The following PIWIL3 variants were observed in gnomAD, a reference collection of about 807,000 sequenced individuals.
The protein encoded by PIWIL3 is piwi-like protein 3.
In PIWIL3, 101 loss-of-function variants were observed where a neutral mutation model predicts 109.7. The ratio of observed to expected loss-of-function variants is 0.92; its 90% CI spans 0.78 to 1.09. The LOEUF (loss-of-function observed/expected upper bound fraction) is 1.09. PIWIL3 is among the 50% of genes least tolerant of loss of function. The pLI is 0.00. For synonymous variants in PIWIL3, 373 were observed against 376.4 expected, an observed-to-expected ratio of 0.99 and a Z score of 0.10; for missense variants, 1,031 against 1,072.6, an observed-to-expected ratio of 0.96 and a Z score of 0.54.
intron 12 of PIWIL3, among the ~76,000 whole-genome samples, chr22:24,747,822 C>T (rs571310651): frequency 1.0e-3 from 159 of 152,224 alleles, no homozygotes; most frequent in Non-Finnish European, 2.0e-3. Context: ...AGCCCTCATA[C>T]GCAGTTGGTG....
At chr22:24,759,542 G>A (rs184799535) in intron 3 of PIWIL3, among the ~76,000 whole-genome samples, 1 of 152,204 alleles carries the variant, frequency 6.6e-6, no homozygotes, top group Non-Finnish European at 1.5e-5. Flanking sequence ...ACAATTTAAA[G>A]AGGAAAGAAA....
At chr22:24,739,690 G>A (rs888329860) in intron 12 of PIWIL3, among the ~76,000 whole-genome samples, 2 of 152,098 alleles carry the variant, frequency 1.3e-5, no homozygotes, top group African/African-American at 4.8e-5. Context: ...AATGCTAAAA[G>A]GGGTACTTCA....
At chr22:24,744,189 A>AAAAACAAAAC (rs1569103596) in intron 12 of PIWIL3, among the ~76,000 whole-genome samples, 2 of 145,900 alleles carry the variant, frequency 1.4e-5, no homozygotes, top group Non-Finnish European at 3.0e-5. Flanking sequence ...AAAAAAAAAA[A>AAAAACAAAAC]AAAAAAAAAA....
At chr22:24,720,411 A>G (rs951354519) in intron 19 of PIWIL3, among the ~76,000 whole-genome samples, 21 of 151,576 alleles carry the variant, frequency 1.4e-4, no homozygotes, top group Admixed American at 8.6e-4. Context: ...AGCTGGGACT[A>G]CAGGCGCCCA....
chr22:24,749,434 G>A lies in PIWIL3; in HGVS notation c.1304C>T (p.Thr435Ile), dbSNP rs1452287881. ...TAGAGTATTGATGAATTCTTTTAAT[G>A]TATGATGCCTTCTTCTTGGACTCAA... The part of the protein sequence containing the change: ...TRLSPRRRHH[T>I]LKEFINTLQD... Residue 435 changes from threonine (T) to isoleucine (I), a missense_variant, in exon 11 of 21, where the codon ACA (threonine) becomes ATA (isoleucine). Coordinates refer to ENST00000616349, the MANE Select transcript of PIWIL3 (RefSeq NM_001255975.1). 5 of 1,613,852 alleles carry A rather than the reference G, an allele frequency of 3.1e-6. No individual in the cohort carries two copies. Among genetic ancestry groups the A allele is most frequent in the South Asian group, 1.1e-5 (1 of 91,088 alleles).
chr22:24,759,895 C>CCTCCTCTTGCTG lies in PIWIL3; in HGVS notation c.185_196dup (p.Ala62_Gly65dup). ...TTGAGACTGTGCTCCTCCTCCTGCT[C>CCTCCTCTTGCTG]CTCCTCTTGCTGCTCTTGGCTGCAG... On this transcript the variant is annotated inframe_insertion, in exon 3 of 21. Coordinates refer to ENST00000616349, the MANE Select transcript of PIWIL3 (RefSeq NM_001255975.1). The CCTCCTCTTGCTG allele has an allele frequency of 6.2e-7, 1 of 1,602,446 alleles. No individual in the cohort carries two copies. Among genetic ancestry groups the CCTCCTCTTGCTG allele is most frequent in the Non-Finnish European group, 8.6e-7 (1 of 1,169,334 alleles).
intron 1 of PIWIL3, among the ~76,000 whole-genome samples, chr22:24,770,065 C>T (rs1431660705): frequency 6.6e-6 from 1 of 152,132 alleles, no homozygotes; most frequent in Admixed American, 6.5e-5. Flanking sequence ...ATACAGAGAA[C>T]CAACTGTATA....
chr22:24,765,576 G>C (rs1178473425), intron 1 of PIWIL3, among the ~76,000 whole-genome samples: 1 of 151,462 alleles, frequency 6.6e-6, no homozygotes, highest in Non-Finnish European at 1.5e-5. Flanking sequence ...GTAGATTGGG[G>C]TTGGGGAAGG....
At chr22:24,750,757 G>T (rs1423024146) in intron 9 of PIWIL3, among the ~76,000 whole-genome samples, 1 of 149,720 alleles carries the variant, frequency 6.7e-6, no homozygotes, top group African/African-American at 2.5e-5. Flanking sequence ...CAAAGTGCTG[G>T]GATTACAGGT....
intron 3 of PIWIL3, 121 bp downstream of exon 3, chr22:24,759,748 C>T: frequency 7.1e-7 from 1 of 1,410,744 alleles, no homozygotes; most frequent in East Asian, 2.3e-5. Context: ...AAGCTGCACA[C>T]ACTTCCCATC....
intron 4 of PIWIL3, 91 bp downstream of exon 4, chr22:24,757,817 G>A (rs79223236): frequency 0.026 from 37,078 of 1,418,548 alleles, 584 homozygotes; most frequent in Non-Finnish European, 0.031. Flanking sequence ...CAGCCTGGGC[G>A]ACAGAGCAGG....
chr22:24,744,467 G>A (rs929743179), intron 12 of PIWIL3, among the ~76,000 whole-genome samples: 4 of 152,080 alleles, frequency 2.6e-5, no homozygotes, highest in Non-Finnish European at 5.9e-5. Flanking sequence ...CAGCTACTCA[G>A]GAGGCTGAGG....
chr22:24,768,197 T>C (rs1925907421), intron 1 of PIWIL3, among the ~76,000 whole-genome samples: 1 of 152,148 alleles, frequency 6.6e-6, no homozygotes, highest in Admixed American at 6.6e-5. Context: ...ATCCTATATT[T>C]TGTTTTCCCT....
In PIWIL3 at chr22:24,734,101, T is replaced by C. The variant is rs116399439; in HGVS notation, c.1690A>G (p.Arg564Gly). 9.9e-4 allele frequency: 1,591 copies of C among 1,612,464 alleles called. 25 individuals carry two copies. The African/African-American group carries it at 0.019, about 19-fold the overall frequency. The change falls in exon 14 of 21, where the codon AGA (arginine) becomes GGA (glycine). Residue 564 changes from arginine to glycine, a missense_variant. Coordinates refer to ENST00000616349, the MANE Select transcript of PIWIL3 (RefSeq NM_001255975.1). ...ACACTTACCATCTGCAGTGTTGGTCTAGTATATTTCCGTAATGTGTCTATA... is the reference window on the plus strand; with the variant it reads ...ACACTTACCATCTGCAGTGTTGGTCCAGTATATTTCCGTAATGTGTCTATA... ...SYIDTLRKYT[R>G]PTLQMVICIL...
At chr22:24,736,134 C>T (rs1361109692) in intron 12 of PIWIL3, among the ~76,000 whole-genome samples, 2 of 152,100 alleles carry the variant, frequency 1.3e-5, no homozygotes, top group African/African-American at 4.8e-5. Flanking sequence ...CTTTAGGTTC[C>T]TATGTAGGCA....
At chr22:24,749,605 C>T in intron 10 of PIWIL3, 84 bp from the exon 11 acceptor site, 6 of 1,610,688 alleles carry the variant, frequency 3.7e-6, no homozygotes, top group Non-Finnish European at 5.1e-6. Context: ...AACCTACTAC[C>T]AAGGAGACAC....
At chr22:24,757,769 C>T (rs1925174963) in intron 4 of PIWIL3, 139 bp downstream of exon 4, 3 of 1,040,510 alleles carry the variant, frequency 2.9e-6, no homozygotes, top group East Asian at 5.4e-5. Context: ...ATCAGCTGAG[C>T]CCAGGAGTTT....
At position 24,724,129 on chromosome 22, in the gene PIWIL3, G is replaced by C. The variant is rs77087377; in HGVS notation, c.2231+758C>G. On this transcript the variant is annotated intron_variant, in intron 18 of 20. Transcript: ENST00000616349. ...TTGCATTCTGACTTGCGTGTGGAAC[G>C]TAAAATCAAAGCAGAAGGGTCTTCC... Among the ~76,000 whole-genome samples the C allele has an allele frequency of 8.3e-4, 126 of 152,178 alleles. 1 individual carries two copies. In the Middle Eastern group the frequency reaches 0.02, roughly 25 times the overall value.
At chr22:24,726,080 A>G (rs564758536) in intron 16 of PIWIL3, among the ~76,000 whole-genome samples, 1 of 152,272 alleles carries the variant, frequency 6.6e-6, no homozygotes, top group African/African-American at 2.4e-5. Flanking sequence ...TAATCCATAG[A>G]GCATGACCAG....
Sources: gnomAD v4.1 joint callset for allele counts (sites outside exome capture counted in the v4.1 genomes callset) on GRCh38, gnomAD v4.1.1 for gene constraint, MANE v1.5 for transcripts, NCBI Gene and HGNC (gene_info 2026-07-23, HGNC 2026-07-21) for gene names.